SLC2A9: variants seen among roughly 807,000 people sequenced by gnomAD.
SLC2A9 encodes the protein solute carrier family 2 member 9.
In SLC2A9, 39 loss-of-function variants were observed where a neutral mutation model predicts 50.6. That is an observed-to-expected ratio of 0.77 (90% confidence interval 0.60 to 1.01). The LOEUF (loss-of-function observed/expected upper bound fraction) is 1.01. Ranked by LOEUF, SLC2A9 falls within the 50% of genes least tolerant of loss-of-function variation. The pLI is 0.00. For missense variants in SLC2A9, 686 were observed against 677.6 expected (o/e 1.01, Z -0.14); for synonymous variants, 324 against 276.9 (o/e 1.17, Z -1.69).
chr4:10,004,552 A>C (rs1158337852), intron 2 of SLC2A9, among the ~76,000 whole-genome samples: 2 of 152,220 alleles, frequency 1.3e-5, no homozygotes, highest in Non-Finnish European at 2.9e-5. Context: ...GAACCACTTC[A>C]CTTAAGGAAC....
intron 3 of SLC2A9, among the ~76,000 whole-genome samples, chr4:9,788,966 G>A (rs1291330977): frequency 6.6e-6 from 1 of 152,078 alleles, no homozygotes; most frequent in Admixed American, 6.6e-5. Flanking sequence ...ATTGTTGCTG[G>A]GGTGACATTG....
At chr4:9,831,732 G>A (rs1726183733) in intron 11 of SLC2A9, among the ~76,000 whole-genome samples, 2 of 152,258 alleles carry the variant, frequency 1.3e-5, no homozygotes, top group Non-Finnish European at 2.9e-5. Context: ...CAAGCTGGCA[G>A]TGCAGCCATG....
Position 9,834,884 on chromosome 4 carries a change from A to C in SLC2A9, c.1416T>G (p.Ile472Met), listed in dbSNP as rs1453032567. ...NFAVGLLFPF[I>M]QKSLDTYCFL... ...AAAGACTCCTTGTCAGTCATACCTG[A>C]ATGAATGGGAAGAGGAGCCCAACAG... is the stretch of plus-strand genomic sequence containing the variant. Residue 472 changes from isoleucine (I) to methionine (M), a missense_variant, in exon 11 of 12, where the codon ATT becomes ATG. Coordinates refer to ENST00000264784, the MANE Select transcript of SLC2A9 (RefSeq NM_020041.3). 62 of 1,614,052 alleles carry C rather than the reference A, an allele frequency of 3.8e-5. No individual in the cohort carries two copies. Among genetic ancestry groups the C allele is most frequent in the Non-Finnish European group, 5.0e-5 (59 of 1,180,042 alleles).
At chr4:9,783,665 T>C (rs1718834870) in intron 3 of SLC2A9, 1 of 599,346 alleles carries the variant, frequency 1.7e-6, no homozygotes, top group Non-Finnish European at 3.0e-6. Context: ...CTCAGTCAAA[T>C]GTACCCAGCC....
At chr4:9,823,386 C>G (rs749690680), downstream of SLC2A9, among the ~76,000 whole-genome samples, 1 of 152,158 alleles carries the variant, frequency 6.6e-6, no homozygotes, top group African/African-American at 2.4e-5. Context: ...ATGTCTGTCT[C>G]TCTAACTCGC....
chr4:9,997,631 C>T lies in SLC2A9; in HGVS notation c.250-690G>A, dbSNP rs181906350. 2.6e-3 allele frequency among the ~76,000 whole-genome samples: 403 copies of T among 152,112 alleles called. 5 individuals are homozygous for T. The highest frequency in any genetic ancestry group is 9.5e-3 in the African/African-American group (393 of 41,502). On this transcript the variant is annotated intron_variant, in intron 2 of 11. Transcript: ENST00000264784. ...ATGAGAATCTCTTGGACCCAGGAGA[C>T]GGAGGTTGCAGTGAGCCAAGATTGC...
rs556014381 is a variant in SLC2A9 at position 9,873,807 on chromosome 4, C to G, written c.1291+13760G>C. Among the ~76,000 whole-genome samples the G allele has an allele frequency of 2.0e-5, 3 of 152,300 alleles. No individual in the cohort carries two copies. In the East Asian group the frequency reaches 5.8e-4, roughly 29 times the overall value. ...AATAATAACTGGTTGTTGTTTAATC[C>G]ATGAGGCTTGGCGGTTATTTGTTAC... is the stretch of plus-strand genomic sequence containing the variant. On this transcript the variant is annotated intron_variant, in intron 10 of 11. Coordinates refer to ENST00000264784, the MANE Select transcript of SLC2A9 (RefSeq NM_020041.3).
chr4:9,780,823 A>T (rs1236557149), intron 3 of SLC2A9, among the ~76,000 whole-genome samples: 1 of 152,064 alleles, frequency 6.6e-6, no homozygotes, highest in African/African-American at 2.4e-5. Context: ...GGGCCCCGTC[A>T]GTTCCTTTTC....
intron 8 of SLC2A9, 36 bp from the exon 9 acceptor site, chr4:9,890,747 T>C: frequency 1.3e-6 from 2 of 1,562,054 alleles, no homozygotes; most frequent in Non-Finnish European, 1.8e-6. Context: ...AGAGCTATTA[T>C]TCCATTTCTA....
At chr4:9,848,401 C>A (rs1040327783) in intron 10 of SLC2A9, among the ~76,000 whole-genome samples, 1 of 151,358 alleles carries the variant, frequency 6.6e-6, no homozygotes, top group South Asian at 2.1e-4. Context: ...CAGGAATGGG[C>A]ATGAGACATG....
chr4:9,985,872 C>G lies in SLC2A9; in HGVS notation c.411-79G>C, dbSNP rs1161235890. 3 of 1,599,026 alleles carry G rather than the reference C, an allele frequency of 1.9e-6. No homozygotes were observed. The African/African-American group carries it at 4.0e-5, about 21-fold the overall frequency. Reference sequence around the variant, plus strand: ...GAACTGTCCATCCCAGGAGCAGGAGCCAGGCCCTTCTGAAGGGTGAGTAGA... The same window carrying G: ...GAACTGTCCATCCCAGGAGCAGGAGGCAGGCCCTTCTGAAGGGTGAGTAGA... On this transcript the variant is annotated intron_variant, in intron 3 of 11. Coordinates refer to ENST00000264784, the MANE Select transcript of SLC2A9 (RefSeq NM_020041.3).
chr4:9,832,932 T>C (rs1390119973), intron 11 of SLC2A9, among the ~76,000 whole-genome samples: 1 of 152,108 alleles, frequency 6.6e-6, no homozygotes, highest in Non-Finnish European at 1.5e-5. Flanking sequence ...CACCCCTGAG[T>C]GGCTCAGAAG....
chr4:9,952,058 C>A (rs1275633271), intron 5 of SLC2A9, among the ~76,000 whole-genome samples: 3 of 152,194 alleles, frequency 2.0e-5, no homozygotes, highest in Non-Finnish European at 4.4e-5. Flanking sequence ...GAGGTTGGGT[C>A]CTGAACCCTG....
chr4:9,813,229 C>T (rs1723107438), intron 3 of SLC2A9, among the ~76,000 whole-genome samples: 1 of 152,288 alleles, frequency 6.6e-6, no homozygotes, highest in Non-Finnish European at 1.5e-5. Context: ...TGGTGTGATA[C>T]TCATGGCTTT....
chr4:9,947,589 C>T (rs1749427602), intron 5 of SLC2A9, among the ~76,000 whole-genome samples: 1 of 152,188 alleles, frequency 6.6e-6, no homozygotes, highest in African/African-American at 2.4e-5. Context: ...TAGCAGCTCC[C>T]TAGCTATTAA....
chr4:9,995,378 T>A (rs544255053), intron 3 of SLC2A9, among the ~76,000 whole-genome samples: 1 of 152,230 alleles, frequency 6.6e-6, no homozygotes, highest in Admixed American at 6.5e-5. Context: ...TAAGCACCAC[T>A]TGGATGTTTT....
downstream of SLC2A9, among the ~76,000 whole-genome samples, chr4:9,824,339 A>C (rs540527147): frequency 1.3e-5 from 2 of 152,302 alleles, no homozygotes; most frequent in African/African-American, 4.8e-5. Flanking sequence ...TTTGTCTATA[A>C]ATTACCCAGT....
intron 6 of SLC2A9, among the ~76,000 whole-genome samples, chr4:9,939,362 G>A (rs1480732424): frequency 1.3e-5 from 2 of 152,158 alleles, no homozygotes; most frequent in African/African-American, 4.8e-5. Flanking sequence ...ATGTGTTTTG[G>A]GTGTTTTGTT....
chr4:10,010,742 T>C (rs541478417), intron 2 of SLC2A9, among the ~76,000 whole-genome samples: 7 of 152,256 alleles, frequency 4.6e-5, no homozygotes, highest in Non-Finnish European at 7.3e-5. Flanking sequence ...CCAAGTTCAC[T>C]GTCTACCCTT....
Sources: gnomAD v4.1 joint callset for allele counts (sites outside exome capture counted in the v4.1 genomes callset) on GRCh38, gnomAD v4.1.1 for gene constraint, MANE v1.5 for transcripts, NCBI Gene and HGNC (gene_info 2026-07-23, HGNC 2026-07-21) for gene names.